Variants in ELF5 observed in about 807,000 individuals in gnomAD.
ELF5 encodes the protein ETS-related transcription factor Elf-5.
A neutral mutation model predicts 38.2 loss-of-function variants in ELF5; 31 were observed. The ratio of observed to expected loss-of-function variants is 0.81; its 90% CI spans 0.61 to 1.10. The LOEUF is 1.10. ELF5 is among the 50% of genes least tolerant of loss of function. The probability of loss-of-function intolerance (pLI) is 0.00; values close to 1 mark genes in which losing one functional copy is unlikely to be tolerated. For missense variants in ELF5, 300 were observed against 306.6 expected (o/e 0.98, Z 0.16); for synonymous variants, 121 against 112.5 (o/e 1.08, Z -0.48).
At chr11:34,496,675 A>G (rs1048380113) in intron 2 of ELF5, among the ~76,000 whole-genome samples, 1 of 152,106 alleles carries the variant, frequency 6.6e-6, no homozygotes, top group Non-Finnish European at 1.5e-5. Context: ...CTCCAGACCT[A>G]GAGCTTTTGC....
rs990767372 is a variant in ELF5, at chr11:34,505,829, A to G, written c.-4-76T>C. 1.1e-5 allele frequency: 16 copies of G among 1,496,380 alleles called. No homozygotes were observed. In the South Asian group the frequency reaches 1.8e-4, roughly 17 times the overall value. The allele number at this position is 1,496,380 out of a possible 1,614,324, so 92.7% of individuals were successfully genotyped here. ...GCCACACTGTGCAGGAGCCCCTAGC[A>G]GGGCGATACTTGTTTTTTAAAAATG... On this transcript the variant is annotated intron_variant, in intron 1 of 6. Coordinates refer to ENST00000257832, the MANE Select transcript of ELF5 (RefSeq NM_001422.4).
In ELF5 at chr11:34,493,530, C is replaced by G; in HGVS notation, c.304G>C (p.Gly102Arg). 6.2e-7 allele frequency: 1 copy of G among 1,614,180 alleles called. No homozygotes were observed. Among genetic ancestry groups the G allele is most frequent in the Non-Finnish European group, 8.5e-7 (1 of 1,180,040 alleles). ...MTQEEFVEAA[G>R]LCGEYLYFIL... ...AAGTACAGGTACTCGCCGCAGAGGC[C>G]AGCTGCCTCGACGAACTCCTCCTGT... Residue 102 changes from glycine (G) to arginine (R), a missense_variant, in exon 3 of 7, where the codon GGC (glycine) becomes CGC (arginine). By Grantham distance (125) the Gly-to-Arg change is moderately radical (BLOSUM62 -2). Transcript: ENST00000257832.
At chr11:34,490,923 C>T (rs1850155857) in intron 3 of ELF5, among the ~76,000 whole-genome samples, 1 of 152,112 alleles carries the variant, frequency 6.6e-6, no homozygotes, top group African/African-American at 2.4e-5. Flanking sequence ...GCTCATTCCC[C>T]TCCTAGGCTG....
chr11:34,480,117 T>TAAA lies in ELF5; in HGVS notation c.*98_*100dup. 1.1e-6 allele frequency: 1 copy of TAAA among 943,634 alleles called. No individual in the cohort carries two copies. The highest frequency in any genetic ancestry group is 1.6e-6 in the Non-Finnish European group (1 of 622,394). The allele number at this position is 943,634 out of a possible 1,614,324, so 58.5% of individuals were successfully genotyped here. A position where few individuals can be genotyped will look rare whatever the true frequency, so the allele number is the denominator to read the frequency against. ...AAATTTTATCAGCATGTTTGCAGGT[T>TAAA]AAAAAAAAAGAGAAGAAAATGAAGC... is the stretch of plus-strand genomic sequence containing the variant. On this transcript the variant is annotated 3_prime_UTR_variant, in exon 7 of 7. Transcript: ENST00000257832.
At chr11:34,494,724 C>T (rs979447417) in intron 2 of ELF5, among the ~76,000 whole-genome samples, 10 of 152,128 alleles carry the variant, frequency 6.6e-5, no homozygotes, top group African/African-American at 2.2e-4. Flanking sequence ...CTTGGTCAGG[C>T]TCTTTGACAT....
At chr11:34,498,582 GACAC>G (rs1850373573) in intron 2 of ELF5, among the ~76,000 whole-genome samples, 1 of 152,116 alleles carries the variant, frequency 6.6e-6, no homozygotes, top group Admixed American at 6.5e-5. Flanking sequence ...TAATCATCAG[GACAC>G]ACACAAGACT....
intron 3 of ELF5, among the ~76,000 whole-genome samples, chr11:34,490,558 A>G (rs577074862): frequency 6.6e-6 from 1 of 152,214 alleles, no homozygotes; most frequent in East Asian, 1.9e-4. Flanking sequence ...GTCAGTGGGG[A>G]GAATGGGCAT....
chr11:34,479,979 A>G lies in ELF5; in HGVS notation c.*239T>C, dbSNP rs1324168747. Reference sequence around the variant, plus strand: ...GAAAATAAAGTTTGATCAAGACACCACAAAAGATCATCCCCTCATCCCCTT... The same window carrying G: ...GAAAATAAAGTTTGATCAAGACACCGCAAAAGATCATCCCCTCATCCCCTT... On this transcript the variant is annotated 3_prime_UTR_variant, in exon 7 of 7. Coordinates refer to ENST00000257832, the MANE Select transcript of ELF5 (RefSeq NM_001422.4). 3 of 514,798 alleles carry G rather than the reference A, an allele frequency of 5.8e-6. No individual in the cohort carries two copies. The highest frequency in any genetic ancestry group is 1.0e-5 in the Non-Finnish European group (3 of 290,432). 31.9% of individuals were successfully genotyped at this position (514,798 alleles called of 1,614,324 possible). A position where few individuals can be genotyped will look rare whatever the true frequency, so the allele number is the denominator to read the frequency against.
intron 2 of ELF5, among the ~76,000 whole-genome samples, chr11:34,498,239 C>T (rs1850362964): frequency 6.6e-6 from 1 of 152,158 alleles, no homozygotes; most frequent in Admixed American, 6.5e-5. Flanking sequence ...AGAACAGGGC[C>T]AGGCATATGG....
chr11:34,507,505 T>C (rs915658065), intron 1 of ELF5, among the ~76,000 whole-genome samples: 4 of 152,184 alleles, frequency 2.6e-5, no homozygotes, highest in Non-Finnish European at 1.5e-5. Context: ...CACACTTTGG[T>C]GGCGGCAAGG....
At chr11:34,480,451 T>C (rs565782868) in intron 6 of ELF5, 137 bp from the exon 7 acceptor site, 4 of 710,314 alleles carry the variant, frequency 5.6e-6, no homozygotes, top group South Asian at 3.5e-5. Flanking sequence ...TGCCCTGTTA[T>C]CAACTTACAC....
intron 2 of ELF5, among the ~76,000 whole-genome samples, chr11:34,503,155 C>T (rs572292877): frequency 1.2e-4 from 18 of 151,254 alleles, no homozygotes; most frequent in African/African-American, 4.1e-4. Flanking sequence ...TTATCCCAAA[C>T]TGAAACTAAT....
At chr11:34,485,735 GT>G (rs1170592856) in intron 4 of ELF5, among the ~76,000 whole-genome samples, 2 of 152,176 alleles carry the variant, frequency 1.3e-5, no homozygotes, top group African/African-American at 4.8e-5. Context: ...TGGTTGACTA[GT>G]CAAGGCCTTG....
intron 1 of ELF5, among the ~76,000 whole-genome samples, chr11:34,509,058 G>A (rs918734218): frequency 1.3e-5 from 2 of 152,110 alleles, no homozygotes; most frequent in East Asian, 1.9e-4. Flanking sequence ...CGCCGGGTGC[G>A]GTGGTTCATG....
chr11:34,482,562 A>T, intron 4 of ELF5, 63 bp from the exon 5 acceptor site: 1 of 1,359,676 alleles, frequency 7.4e-7, no homozygotes, highest in Non-Finnish European at 1.0e-6. Context: ...ACCTCAAGTC[A>T]TACCCAAATG....
chr11:34,487,898 C>A (rs1850046454), intron 4 of ELF5, among the ~76,000 whole-genome samples: 1 of 152,108 alleles, frequency 6.6e-6, no homozygotes, highest in Non-Finnish European at 1.5e-5. Flanking sequence ...CTGTACTGGC[C>A]AAGCTAATGC....
rs147127289 is a variant in ELF5, at chr11:34,483,282, C to G, written c.407-783G>C. ...CTCAAGTTGGGTCTGCACATCCTCC[C>G]CACTGCTCCGCATTTTACATAGAAT... is the stretch of plus-strand genomic sequence containing the variant. On this transcript the variant is annotated intron_variant, in intron 4 of 6. Transcript: ENST00000257832. 5.5e-3 allele frequency among the ~76,000 whole-genome samples: 835 copies of G among 152,046 alleles called. 4 individuals carry two copies. Among genetic ancestry groups the G allele is most frequent in the African/African-American group, 0.019 (795 of 41,426 alleles).
At chr11:34,496,583 A>ATC (rs1323719676) in intron 2 of ELF5, among the ~76,000 whole-genome samples, 4 of 152,056 alleles carry the variant, frequency 2.6e-5, no homozygotes, top group Admixed American at 6.6e-5. Flanking sequence ...CTCCTGAGGA[A>ATC]TCTCTGCTCA....
At chr11:34,494,814 A>G (rs1446078103) in intron 2 of ELF5, among the ~76,000 whole-genome samples, 1 of 152,208 alleles carries the variant, frequency 6.6e-6, no homozygotes, top group Non-Finnish European at 1.5e-5. Flanking sequence ...TAGTTTCCTT[A>G]CTGGTAAAAT....
Sources: allele counts gnomAD v4.1 joint callset (sites outside exome capture counted in the v4.1 genomes callset), GRCh38; gene constraint gnomAD v4.1.1; transcripts MANE v1.5; gene names NCBI Gene and HGNC (gene_info 2026-07-23, HGNC 2026-07-21).